Variants in RBFOX1 observed in about 807,000 individuals in gnomAD.
RBFOX1 encodes the protein RNA binding fox-1 homolog 1.
A neutral mutation model predicts 57.7 loss-of-function variants in RBFOX1; 8 were observed. The observed-to-expected ratio is 0.14, with a 90% CI of 0.08 to 0.25. The LOEUF (loss-of-function observed/expected upper bound fraction) is 0.25, where lower values mean the gene tolerates loss of function less well. Among genes scored for constraint, RBFOX1 ranks in the 10% least tolerant of loss-of-function variants. The pLI, the probability that RBFOX1 is intolerant of heterozygous loss-of-function variation, is 1.00. For synonymous variants in RBFOX1, 326 were observed against 222.4 expected, an observed-to-expected ratio of 1.47 and a Z score of -4.15; for missense variants, 611 against 548.5, an observed-to-expected ratio of 1.11 and a Z score of -1.14.
intron 4 of RBFOX1, among the ~76,000 whole-genome samples, chr16:7,178,836 TATAAGGAAC>T (rs1283132352): frequency 6.6e-6 from 1 of 152,206 alleles, no homozygotes; most frequent in Non-Finnish European, 1.5e-5. Context: ...GCAAGTTATG[TATAAGGAAC>T]ATACTTCATA....
chr16:5,675,902 T>C (rs138751023), intron 3 of RBFOX1, among the ~76,000 whole-genome samples: 1 of 152,000 alleles, frequency 6.6e-6, no homozygotes, highest in African/African-American at 2.4e-5. Context: ...GAGCTCTCAT[T>C]TGGGGGAACA....
intron 2 of RBFOX1, among the ~76,000 whole-genome samples, chr16:6,564,363 C>G (rs572167745): frequency 1.3e-5 from 2 of 151,984 alleles, no homozygotes; most frequent in East Asian, 1.9e-4. Context: ...ATACTGTGTT[C>G]GTAAAAACAT....
intron 3 of RBFOX1, among the ~76,000 whole-genome samples, chr16:6,743,702 C>A (rs961682573): frequency 4.6e-5 from 7 of 151,806 alleles, no homozygotes; most frequent in South Asian, 2.1e-4. Context: ...GTCATCACAC[C>A]ACTGTATTCC....
intron 4 of RBFOX1, among the ~76,000 whole-genome samples, chr16:5,943,857 C>G (rs1412207991): frequency 6.6e-6 from 1 of 151,884 alleles, no homozygotes; most frequent in Non-Finnish European, 1.5e-5. Context: ...ACCTATTCAT[C>G]CACTCATCCA....
At chr16:6,619,805 C>G (rs1464096232) in intron 2 of RBFOX1, among the ~76,000 whole-genome samples, 1 of 150,942 alleles carries the variant, frequency 6.6e-6, no homozygotes, top group Non-Finnish European at 1.5e-5. Context: ...TTTCATCATC[C>G]AGATGGTAAT....
intron 4 of RBFOX1, among the ~76,000 whole-genome samples, chr16:7,195,479 A>C (rs112842877): frequency 6.6e-6 from 1 of 152,288 alleles, no homozygotes; most frequent in South Asian, 2.1e-4. Context: ...AGAACAACTG[A>C]CCCAACAGCA....
chr16:5,454,959 C>CTTTCTT (rs1567535961), intron 1 of RBFOX1, among the ~76,000 whole-genome samples: 32 of 34,296 alleles, frequency 9.3e-4, no homozygotes, highest in Non-Finnish European at 1.6e-3. Flanking sequence ...TCCTTCCTTC[C>CTTTCTT]TTTCTTTCTT....
chr16:7,347,780 AT>A (rs1360831728), intron 4 of RBFOX1, among the ~76,000 whole-genome samples: 2 of 152,112 alleles, frequency 1.3e-5, no homozygotes, highest in Non-Finnish European at 2.9e-5. Context: ...CGAGACCCCC[AT>A]GTATTTGCAG....
intron 4 of RBFOX1, among the ~76,000 whole-genome samples, chr16:7,101,720 C>T (rs138180047): frequency 7.2e-5 from 11 of 152,252 alleles, no homozygotes; most frequent in Non-Finnish European, 1.6e-4. Context: ...AATGTATTTG[C>T]TTGCCGCAGA....
intron 3 of RBFOX1, among the ~76,000 whole-genome samples, chr16:6,672,158 A>G (rs146117337): frequency 6.6e-6 from 1 of 152,238 alleles, no homozygotes; most frequent in Non-Finnish European, 1.5e-5. Flanking sequence ...CTAGAAATAG[A>G]TACTTATCTT....
rs545574581 is a variant in RBFOX1 at position 7,532,132 on chromosome 16, CTTT to C, written c.270+13755_270+13757del. On this transcript the variant is annotated intron_variant, in intron 5 of 15. Coordinates refer to ENST00000550418, the MANE Select transcript of RBFOX1 (RefSeq NM_018723.4). Reference sequence around the variant, plus strand: ...TTTTTTAGGGGGAGAAACTAGCTACCTTTTTTTTTTTTTTCACTAAGAAAAGCA... The same window carrying C: ...TTTTTTAGGGGGAGAAACTAGCTACCTTTTTTTTTTTCACTAAGAAAAGCA... 8.4e-5 allele frequency among the ~76,000 whole-genome samples: 8 copies of C among 95,282 alleles called. No homozygotes were observed. In the South Asian group the frequency reaches 1.6e-3, roughly 19 times the overall value. The allele number at this position is 95,282 out of a possible 152,430, so 62.5% of individuals were successfully genotyped here.
At chr16:7,450,263 A>C (rs968874575) in intron 4 of RBFOX1, among the ~76,000 whole-genome samples, 1 of 151,882 alleles carries the variant, frequency 6.6e-6, no homozygotes, top group African/African-American at 2.4e-5. Flanking sequence ...GCATGGTGAC[A>C]TACGCCTGTA....
chr16:5,805,490 G>A (rs74671353), intron 3 of RBFOX1, among the ~76,000 whole-genome samples: 7,310 of 152,274 alleles, frequency 0.048, 213 homozygotes, highest in Middle Eastern at 0.078. Flanking sequence ...GATCCAAAAT[G>A]TAAGCTTCTA....
At chr16:5,338,082 G>C (rs536473043) in intron 1 of RBFOX1, among the ~76,000 whole-genome samples, 4 of 152,232 alleles carry the variant, frequency 2.6e-5, no homozygotes, top group Non-Finnish European at 2.9e-5. Flanking sequence ...TTTCTTCTAG[G>C]GATAGAGGGT....
chr16:5,592,329 C>T (rs532374360), intron 2 of RBFOX1, among the ~76,000 whole-genome samples: 69 of 151,932 alleles, frequency 4.5e-4, no homozygotes, highest in African/African-American at 1.2e-3. Context: ...ATTATATATG[C>T]GCAGAATTTT....
intron 2 of RBFOX1, among the ~76,000 whole-genome samples, chr16:6,568,753 C>T (rs567587141): frequency 6.6e-6 from 1 of 152,074 alleles, no homozygotes; most frequent in South Asian, 2.1e-4. Flanking sequence ...GTTTGATTAC[C>T]AGTGTGCTTA....
intron 1 of RBFOX1, among the ~76,000 whole-genome samples, chr16:5,416,121 AC>A (rs1174463043): frequency 6.6e-6 from 1 of 152,218 alleles, no homozygotes; most frequent in African/African-American, 2.4e-5. Flanking sequence ...ATGAGAGTTG[AC>A]ATGAAGCCTT....
intron 13 of RBFOX1, among the ~76,000 whole-genome samples, chr16:7,673,246 A>C (rs1454062211): frequency 6.6e-6 from 1 of 152,282 alleles, no homozygotes; most frequent in East Asian, 1.9e-4. Context: ...TTAAGCCTCA[A>C]ATTCTCTGAG....
intron 1 of RBFOX1, among the ~76,000 whole-genome samples, chr16:5,453,895 T>C (rs2068503225): frequency 6.6e-6 from 1 of 151,988 alleles, no homozygotes; most frequent in African/African-American, 2.4e-5. Context: ...TGCTGGGAGA[T>C]TTTGTTGGGG....
Sources: allele counts gnomAD v4.1 joint callset (sites outside exome capture counted in the v4.1 genomes callset), GRCh38; gene constraint gnomAD v4.1.1; transcripts MANE v1.5; gene names NCBI Gene and HGNC (gene_info 2026-07-23, HGNC 2026-07-21).